TAFA5: variants seen among roughly 807,000 people sequenced by gnomAD.
TAFA5 encodes the protein TAFA chemokine like family member 5, also known as chemokine-like protein TAFA-5.
In TAFA5, 6 loss-of-function variants were observed where a neutral mutation model predicts 15.3. The observed-to-expected ratio is 0.39, with a 90% CI of 0.21 to 0.77. The LOEUF is 0.77. Ranked by LOEUF, TAFA5 falls within the 30% of genes least tolerant of loss-of-function variation. The pLI is 0.41. For synonymous variants in TAFA5, 103 were observed against 80.7 expected (o/e 1.28, Z -1.48); for missense variants, 161 against 193.1 (o/e 0.83, Z 0.98).
chr22:48,515,387 C>T (rs991810980), intron 1 of TAFA5, among the ~76,000 whole-genome samples: 1 of 152,194 alleles, frequency 6.6e-6, no homozygotes, highest in Non-Finnish European at 1.5e-5. Context: ...AGCTGTCTGT[C>T]CGCTGTCCTG....
At chr22:48,551,409 C>T (rs796927532) in intron 1 of TAFA5, among the ~76,000 whole-genome samples, 11 of 152,316 alleles carry the variant, frequency 7.2e-5, no homozygotes, top group African/African-American at 2.6e-4. Flanking sequence ...CCTCTCCTCT[C>T]ACCTCCTGGG....
intron 1 of TAFA5, among the ~76,000 whole-genome samples, chr22:48,634,771 A>ACTCT (rs1926387357): frequency 1.3e-5 from 2 of 150,922 alleles, no homozygotes; most frequent in South Asian, 4.2e-4. Context: ...TCACTCAGCC[A>ACTCT]CTCATTTAGT....
At chr22:48,731,773 A>T (rs1209932362) in intron 3 of TAFA5, among the ~76,000 whole-genome samples, 2 of 152,204 alleles carry the variant, frequency 1.3e-5, no homozygotes, top group African/African-American at 2.4e-5. Context: ...TCTCGGATGG[A>T]GATGTTCCAG....
rs1431367777 is a variant in TAFA5, at chr22:48,662,646, G to A, written c.262+15900G>A. Among the ~76,000 whole-genome samples, 3 of 152,230 alleles carry A rather than the reference G, an allele frequency of 2.0e-5. No homozygotes were observed. In the East Asian group the frequency reaches 5.8e-4, roughly 29 times the overall value. ...GCATCTGTTCTGCCCCCCGGCTGGTGCGAGCTCACCGGAGCAGGTGTCCAG... is the reference window on the plus strand; with the variant it reads ...GCATCTGTTCTGCCCCCCGGCTGGTACGAGCTCACCGGAGCAGGTGTCCAG... On this transcript the variant is annotated intron_variant, in intron 2 of 3. Coordinates refer to ENST00000402357, the MANE Select transcript of TAFA5 (RefSeq NM_001082967.3).
intron 1 of TAFA5, among the ~76,000 whole-genome samples, chr22:48,524,662 C>T (rs537424030): frequency 3.2e-4 from 48 of 152,310 alleles, no homozygotes; most frequent in African/African-American, 1.1e-3. Flanking sequence ...GGATCCGGCA[C>T]ACACGCCATC....
At position 48,584,033 on chromosome 22, in the gene TAFA5, A is replaced by G. The variant is rs149836047; in HGVS notation, c.113-62564A>G. 8.5e-3 allele frequency among the ~76,000 whole-genome samples: 1,271 copies of G among 148,900 alleles called. 23 individuals carry two copies. The highest frequency in any genetic ancestry group is 0.031 in the African/African-American group (1,229 of 40,290). ...CACCACACACCACACGCCACACACC[A>G]CACACAAAATACACCACATACACCA... is the stretch of plus-strand genomic sequence containing the variant. On this transcript the variant is annotated intron_variant, in intron 1 of 3. Coordinates refer to ENST00000402357, the MANE Select transcript of TAFA5 (RefSeq NM_001082967.3).
At chr22:48,723,444 G>A (rs1382238912) in intron 3 of TAFA5, among the ~76,000 whole-genome samples, 1 of 152,070 alleles carries the variant, frequency 6.6e-6, no homozygotes, top group Non-Finnish European at 1.5e-5. Flanking sequence ...TCGTCACTGC[G>A]GCTCTGTCCC....
intron 1 of TAFA5, among the ~76,000 whole-genome samples, chr22:48,542,638 A>ATGTGTGTGTGTGGTG (rs879338771): frequency 4.7e-5 from 4 of 84,878 alleles, no homozygotes; most frequent in Non-Finnish European, 6.5e-5. Context: ...TGGGTGTGTG[A>ATGTGTGTGTGTGGTG]TGTGTGTGTG....
At chr22:48,544,403 G>A (rs1922581284) in intron 1 of TAFA5, 1 of 343,580 alleles carries the variant, frequency 2.9e-6, no homozygotes, top group Non-Finnish European at 5.8e-6. Context: ...CCCACTCCAC[G>A]GCCAGTCTTG....
chr22:48,546,944 T>C (rs899792768), intron 1 of TAFA5: 1 of 174,948 alleles, frequency 5.7e-6, no homozygotes, highest in Non-Finnish European at 1.2e-5. Flanking sequence ...ACTCAATCTT[T>C]GTCTTGTTTT....
Position 48,550,890 on chromosome 22 carries a change from T to G in TAFA5, c.112+61186T>G, listed in dbSNP as rs1922832258. On this transcript the variant is annotated intron_variant, in intron 1 of 3. Coordinates refer to ENST00000402357, the MANE Select transcript of TAFA5 (RefSeq NM_001082967.3). This position sits in a 1 kb window ranked among gnomAD's most constrained non-coding sequence, Gnocchi z 4.1. ...CTTTCGTTCCTGTGTCACCTGGGGG[T>G]GAGGCAGACATTCCTAGTCCTGCTT... 6.6e-6 allele frequency among the ~76,000 whole-genome samples: 1 copy of G among 151,714 alleles called. No homozygotes were observed. The highest frequency in any genetic ancestry group is 2.4e-5 in the African/African-American group (1 of 41,306).
chr22:48,613,858 C>T (rs186741811), intron 1 of TAFA5, among the ~76,000 whole-genome samples: 3 of 152,320 alleles, frequency 2.0e-5, no homozygotes, highest in Non-Finnish European at 4.4e-5. Context: ...GAGGATGTAT[C>T]ACAGCTGCAC....
intron 3 of TAFA5, among the ~76,000 whole-genome samples, chr22:48,732,926 C>G (rs1398736783): frequency 6.6e-6 from 1 of 152,132 alleles, no homozygotes; most frequent in African/African-American, 2.4e-5. Context: ...CTCAGATGAT[C>G]CTTAGCATTT....
intron 2 of TAFA5, among the ~76,000 whole-genome samples, chr22:48,686,385 G>A (rs1001313670): frequency 3.9e-5 from 6 of 152,182 alleles, no homozygotes; most frequent in African/African-American, 1.4e-4. Flanking sequence ...ACTGTCTTCT[G>A]GCTGTGTCCT....
chr22:48,536,698 C>T lies in TAFA5; in HGVS notation c.112+46994C>T, dbSNP rs116746542. 8.1e-3 allele frequency among the ~76,000 whole-genome samples: 1,230 copies of T among 152,394 alleles called. 19 individuals carry two copies. Among genetic ancestry groups the T allele is most frequent in the African/African-American group, 0.028 (1,157 of 41,600 alleles). ...GCCAAGGCTTCCGGCTCCCTGTGCCCTGTGCTGCGGGGAGGACAGAGTGCC... is the reference window on the plus strand; with the variant it reads ...GCCAAGGCTTCCGGCTCCCTGTGCCTTGTGCTGCGGGGAGGACAGAGTGCC... On this transcript the variant is annotated intron_variant, in intron 1 of 3. Transcript: ENST00000402357.
rs1601688104 is a variant in TAFA5, at chr22:48,707,811, C to T, written c.357C>T (p.Cys119=). The change falls in exon 3 of 4, where the codon TGC becomes TGT. Residue 119 remains cysteine (C), a synonymous_variant. Coordinates refer to ENST00000402357, the MANE Select transcript of TAFA5 (RefSeq NM_001082967.3). ...TAATCAACCGGTCAGGCTGGACGTGCACGCAGCCCGGCGGGAGGATAAAGA... is the reference window on the plus strand; with the variant it reads ...TAATCAACCGGTCAGGCTGGACGTGTACGCAGCCCGGCGGGAGGATAAAGA... ...DLLINRSGWT[C]TQPGGRIKTT... 6.8e-6 allele frequency: 11 copies of T among 1,613,666 alleles called. No homozygotes were observed. In the East Asian group the frequency reaches 2.5e-4, roughly 36 times the overall value.
At chr22:48,662,579 G>A (rs754985766) in intron 2 of TAFA5, among the ~76,000 whole-genome samples, 4 of 152,164 alleles carry the variant, frequency 2.6e-5, no homozygotes, top group East Asian at 1.9e-4. Context: ...TATGTGCAGC[G>A]ATGCTCTGTG....
chr22:48,622,085 C>T (rs1310649085), intron 1 of TAFA5, among the ~76,000 whole-genome samples: 2 of 152,180 alleles, frequency 1.3e-5, no homozygotes, highest in Admixed American at 6.5e-5. Flanking sequence ...AACACACCTT[C>T]CCTTCTCCTG....
chr22:48,618,233 C>A (rs1925682761), intron 1 of TAFA5, among the ~76,000 whole-genome samples: 1 of 152,138 alleles, frequency 6.6e-6, no homozygotes, highest in Non-Finnish European at 1.5e-5. Context: ...TGCCCCAGTC[C>A]CCCACAGGCT....
Sources: gnomAD v4.1 joint callset for allele counts (sites outside exome capture counted in the v4.1 genomes callset) on GRCh38, gnomAD v4.1.1 for gene constraint, Gnocchi (gnomAD v3.1) non-coding constraint, MANE v1.5 for transcripts, NCBI Gene and HGNC (gene_info 2026-07-23, HGNC 2026-07-21) for gene names.